DLEU7: variants seen among roughly 807,000 people sequenced by gnomAD.
DLEU7 encodes the protein deleted in lymphocytic leukemia 7.
Under a neutral mutation model 16.0 loss-of-function variants are expected in DLEU7, and 17 were observed. The ratio of observed to expected loss-of-function variants is 1.06; its 90% CI spans 0.73 to 1.59. The LOEUF (loss-of-function observed/expected upper bound fraction) is 1.59. Among genes scored for constraint, DLEU7 ranks in the 40% most tolerant of loss-of-function variants. The pLI is 0.00. For missense variants in DLEU7, 308 were observed against 314.9 expected (o/e 0.98, Z 0.17); for synonymous variants, 113 against 139.8 (o/e 0.81, Z 1.35).
chr13:50,842,819 A>G (rs945755833), intron 1 of DLEU7, among the ~76,000 whole-genome samples: 5 of 152,182 alleles, frequency 3.3e-5, no homozygotes, highest in African/African-American at 1.2e-4. Context: ...AAGCGTTATT[A>G]ATTTGGAAAG....
chr13:50,810,205 T>G (rs1287297122), intron 1 of DLEU7, among the ~76,000 whole-genome samples: 2 of 147,080 alleles, frequency 1.4e-5, no homozygotes, highest in Non-Finnish European at 3.0e-5. Context: ...AAAAAAAAGC[T>G]AAAAAGCTAA....
intron 1 of DLEU7, among the ~76,000 whole-genome samples, chr13:50,770,980 C>T (rs1875289661): frequency 1.3e-5 from 2 of 152,144 alleles, no homozygotes; most frequent in Admixed American, 1.3e-4. Flanking sequence ...TCAACTTCTT[C>T]CTGGTTTAGT....
chr13:50,821,194 T>C (rs1876893858), downstream of DLEU7, among the ~76,000 whole-genome samples: 1 of 151,804 alleles, frequency 6.6e-6, no homozygotes, highest in South Asian at 2.1e-4. Context: ...AGGCAGAGAG[T>C]TGGACTTGAC....
chr13:50,789,935 T>C (rs1479658573), intron 1 of DLEU7, among the ~76,000 whole-genome samples: 1 of 144,862 alleles, frequency 6.9e-6, no homozygotes, highest in East Asian at 1.9e-4. Flanking sequence ...CTTTCTTTCT[T>C]TCTTTCTTTC....
chr13:50,797,030 T>C (rs1876126624), intron 1 of DLEU7, among the ~76,000 whole-genome samples: 1 of 152,156 alleles, frequency 6.6e-6, no homozygotes, highest in African/African-American at 2.4e-5. Context: ...AATTCTGCAA[T>C]TGAAAATGAA....
chr13:50,756,715 C>T (rs1874769547), intron 1 of DLEU7, among the ~76,000 whole-genome samples: 1 of 152,130 alleles, frequency 6.6e-6, no homozygotes, highest in Non-Finnish European at 1.5e-5. Flanking sequence ...TTGCACCCTC[C>T]CCTGATTTCC....
In DLEU7 at chr13:50,808,980, C is replaced by T. The variant is rs560109951; in HGVS notation, c.459+34208G>A. ...GGGGTACATTTAAAATAAGAAGGTA[C>T]TTAAGCAAAATCATTGCGTTGAGGA... On this transcript the variant is annotated intron_variant, in intron 1 of 1. Transcript: ENST00000400393. Among the ~76,000 whole-genome samples the T allele has an allele frequency of 2.5e-4, 38 of 151,994 alleles. 1 individual carries two copies. In the South Asian group the frequency reaches 7.7e-3, roughly 31 times the overall value.
At chr13:50,826,308 A>G (rs996575159) in intron 1 of DLEU7, among the ~76,000 whole-genome samples, 1 of 152,108 alleles carries the variant, frequency 6.6e-6, no homozygotes, top group African/African-American at 2.4e-5. Context: ...CTGTGCCTTA[A>G]GTGATTAAAG....
intron 1 of DLEU7, among the ~76,000 whole-genome samples, chr13:50,727,602 T>TC (rs1873801782): frequency 6.6e-6 from 1 of 152,014 alleles, no homozygotes; most frequent in Non-Finnish European, 1.5e-5. Flanking sequence ...AGAAGCTACA[T>TC]CCCCCTAAGG....
downstream of DLEU7, among the ~76,000 whole-genome samples, chr13:50,819,665 C>T (rs551844642): frequency 3.3e-5 from 5 of 152,234 alleles, no homozygotes; most frequent in Admixed American, 2.0e-4. Context: ...AAGGATGTCG[C>T]TAATGTTTTT....
intron 1 of DLEU7, among the ~76,000 whole-genome samples, chr13:50,755,581 T>C (rs1874729835): frequency 6.6e-6 from 1 of 152,200 alleles, no homozygotes; most frequent in African/African-American, 2.4e-5. Flanking sequence ...CCTTTAATAT[T>C]TCTCCCTTCA....
intron 1 of DLEU7, among the ~76,000 whole-genome samples, chr13:50,813,720 A>G (rs1876639305): frequency 1.3e-5 from 2 of 152,122 alleles, no homozygotes; most frequent in Non-Finnish European, 1.5e-5. Flanking sequence ...CAAATTCAAC[A>G]TGGTAATTTT....
chr13:50,764,214 G>A (rs1426316049), intron 1 of DLEU7, among the ~76,000 whole-genome samples: 1 of 152,180 alleles, frequency 6.6e-6, no homozygotes, highest in Non-Finnish European at 1.5e-5. Flanking sequence ...AGTGTTTTGT[G>A]AGAATTAAAG....
chr13:50,736,707 A>G (rs1874079953), intron 1 of DLEU7, among the ~76,000 whole-genome samples: 1 of 152,158 alleles, frequency 6.6e-6, no homozygotes, highest in Admixed American at 6.6e-5. Flanking sequence ...TTTTAAAAGG[A>G]AAGAAATTTA....
intron 1 of DLEU7, among the ~76,000 whole-genome samples, chr13:50,725,055 C>T (rs1191379384): frequency 6.6e-6 from 1 of 151,438 alleles, no homozygotes; most frequent in African/African-American, 2.5e-5. Flanking sequence ...TCCGGGCTGA[C>T]TGTATGTATG....
chr13:50,843,724 A>G (rs1877773856), upstream of DLEU7: 1 of 1,462,610 alleles, frequency 6.8e-7, no homozygotes, highest in East Asian at 2.9e-5. The surrounding 1 kb of genome is among the most constrained non-coding windows in gnomAD (Gnocchi z 5.7). Flanking sequence ...GGGGTCGCCA[A>G]GGTCACATTT....
chr13:50,804,748 T>G (rs1439588083), intron 1 of DLEU7, among the ~76,000 whole-genome samples: 4 of 152,106 alleles, frequency 2.6e-5, no homozygotes, highest in African/African-American at 9.7e-5. Context: ...GTCCAGCCAG[T>G]TAAAGATTTT....
At chr13:50,771,893 G>A (rs1429377646) in intron 1 of DLEU7, among the ~76,000 whole-genome samples, 1 of 152,132 alleles carries the variant, frequency 6.6e-6, no homozygotes, top group Non-Finnish European at 1.5e-5. Flanking sequence ...TATTGTGTGG[G>A]AGTCTAAGTC....
At chr13:50,755,725 T>A (rs957550883) in intron 1 of DLEU7, among the ~76,000 whole-genome samples, 12 of 151,030 alleles carry the variant, frequency 7.9e-5, no homozygotes, top group African/African-American at 2.5e-4. Context: ...TTGTATCCAT[T>A]GCTGGTGAGC....
Sources: gnomAD v4.1 joint callset for allele counts (sites outside exome capture counted in the v4.1 genomes callset) on GRCh38, gnomAD v4.1.1 for gene constraint, Gnocchi (gnomAD v3.1) non-coding constraint, MANE v1.5 for transcripts, NCBI Gene and HGNC (gene_info 2026-07-23, HGNC 2026-07-21) for gene names.